ICE1: variants seen among roughly 807,000 people sequenced by gnomAD.
The protein encoded by ICE1 is interactor of little elongation complex ELL subunit 1, also known as little elongation complex subunit 1.
In ICE1, 64 loss-of-function variants were observed where a neutral mutation model predicts 192.7. That is an observed-to-expected ratio of 0.33 (90% confidence interval 0.27 to 0.41). The LOEUF (loss-of-function observed/expected upper bound fraction) is 0.41. Ranked by LOEUF, ICE1 falls within the 10% of genes least tolerant of loss-of-function variation. The pLI is 1.00. For missense variants in ICE1, 2,708 were observed against 2,696.0 expected, an observed-to-expected ratio of 1.00 and a Z score of -0.10; for synonymous variants, 1,010 against 984.5, an observed-to-expected ratio of 1.03 and a Z score of -0.49.
intron 7 of ICE1, among the ~76,000 whole-genome samples, chr5:5,446,766 G>A (rs1738238567): frequency 6.6e-6 from 1 of 152,164 alleles, no homozygotes; most frequent in Admixed American, 6.5e-5. Flanking sequence ...ACTTGTTAGA[G>A]GAGTCAGGAG....
chr5:5,422,734 A>G lies in ICE1; in HGVS notation c.-182A>G. 5.4e-6 allele frequency: 2 copies of G among 370,198 alleles called. No individual in the cohort carries two copies. Among genetic ancestry groups the G allele is most frequent in the Non-Finnish European group, 9.5e-6 (2 of 210,374 alleles). The allele number at this position is 370,198 out of a possible 1,614,324, so 22.9% of individuals were successfully genotyped here. A position where few individuals can be genotyped will look rare whatever the true frequency, so the allele number is the denominator to read the frequency against. On this transcript the variant is annotated 5_prime_UTR_variant, in exon 1 of 19. Coordinates refer to ENST00000296564, the MANE Select transcript of ICE1 (RefSeq NM_015325.3). ...AGCGTTTCTTTTTAGTGCCTGAGGC[A>G]GCTCTGGCTCGGAGAGCCTTTTGCT...
At chr5:5,450,368 T>G (rs1738377350) in intron 10 of ICE1, among the ~76,000 whole-genome samples, 1 of 152,124 alleles carries the variant, frequency 6.6e-6, no homozygotes, top group African/African-American at 2.4e-5. Context: ...TCCTAGGCGG[T>G]TGAGAGCATC....
chr5:5,452,600 T>G (rs1288941249), intron 10 of ICE1, among the ~76,000 whole-genome samples: 1 of 152,076 alleles, frequency 6.6e-6, no homozygotes, highest in Non-Finnish European at 1.5e-5. Flanking sequence ...CCAAATGTAT[T>G]TATAAATATA....
chr5:5,477,674 G>A (rs1418850915), intron 17 of ICE1, among the ~76,000 whole-genome samples: 1 of 152,142 alleles, frequency 6.6e-6, no homozygotes, highest in African/African-American at 2.4e-5. Context: ...ACCTGGCAGA[G>A]ACAAAACAGA....
In ICE1 at chr5:5,459,076, T is replaced by C. The variant is rs550559910; in HGVS notation, c.1101+1335T>C. Among the ~76,000 whole-genome samples, 3 of 152,228 alleles carry C rather than the reference T, an allele frequency of 2.0e-5. No individual in the cohort carries two copies. The South Asian group carries it at 6.2e-4, about 32-fold the overall frequency. ...TTTCAGTAGAGATGGGGTTTCACCG[T>C]GTTAGCCAGGATGGTCTCGCTCTCC... On this transcript the variant is annotated intron_variant, in intron 12 of 18. Coordinates refer to ENST00000296564, the MANE Select transcript of ICE1 (RefSeq NM_015325.3).
At chr5:5,435,726 A>T (rs1290354156) in intron 1 of ICE1, among the ~76,000 whole-genome samples, 3 of 140,212 alleles carry the variant, frequency 2.1e-5, no homozygotes, top group Non-Finnish European at 4.5e-5. Context: ...CTGGAGTGCA[A>T]TGGCACGATC....
intron 1 of ICE1, among the ~76,000 whole-genome samples, chr5:5,432,123 C>T (rs1737727812): frequency 6.6e-6 from 1 of 152,162 alleles, no homozygotes. Context: ...GACATCACCA[C>T]TACATAGTCC....
chr5:5,422,716 C>A lies in ICE1; in HGVS notation c.-200C>A, dbSNP rs980935496. The A allele has an allele frequency of 5.6e-6, 2 of 360,132 alleles. No homozygotes were observed. Among genetic ancestry groups the A allele is most frequent in the Middle Eastern group, 7.4e-4 (1 of 1,344 alleles). 22.3% of individuals were successfully genotyped at this position (360,132 alleles called of 1,614,324 possible). ...TCGGGGGCCGCGCCGGGTAGCGTTT[C>A]TTTTTAGTGCCTGAGGCAGCTCTGG... On this transcript the variant is annotated 5_prime_UTR_variant, in exon 1 of 19. Coordinates refer to ENST00000296564, the MANE Select transcript of ICE1 (RefSeq NM_015325.3).
intron 1 of ICE1, among the ~76,000 whole-genome samples, chr5:5,429,063 C>T (rs893029182): frequency 2.0e-5 from 3 of 152,148 alleles, no homozygotes; most frequent in African/African-American, 7.2e-5. Flanking sequence ...CTGGGGAAAT[C>T]AGGCACAAGC....
rs1561104110 is a variant in ICE1 at position 5,489,400 on chromosome 5, A to G, written c.*70A>G. ...AACACAAATAGTTTGATCAGCTTTC[A>G]GAATACAAAGGGAGGTTTCAAAACA... On this transcript the variant is annotated 3_prime_UTR_variant, in exon 19 of 19. Coordinates refer to ENST00000296564, the MANE Select transcript of ICE1 (RefSeq NM_015325.3). The G allele has an allele frequency of 3.0e-6, 4 of 1,337,598 alleles. No individual in the cohort carries two copies. The South Asian group carries it at 4.5e-5, about 15-fold the overall frequency. The allele number at this position is 1,337,598 out of a possible 1,614,324, so 82.9% of individuals were successfully genotyped here.
intron 1 of ICE1, among the ~76,000 whole-genome samples, chr5:5,424,782 G>A (rs1454393917): frequency 6.6e-6 from 1 of 152,216 alleles, no homozygotes; most frequent in Non-Finnish European, 1.5e-5. Flanking sequence ...CTCCCATACA[G>A]TGGAAACATC....
intron 14 of ICE1, among the ~76,000 whole-genome samples, 156 bp downstream of exon 14, chr5:5,466,658 G>C (rs1738995111): frequency 6.6e-6 from 1 of 152,112 alleles, no homozygotes; most frequent in Admixed American, 6.5e-5. Flanking sequence ...AGCTGCACCT[G>C]GTCTTTAGTA....
intron 1 of ICE1, among the ~76,000 whole-genome samples, chr5:5,424,314 A>G (rs1737449669): frequency 6.6e-6 from 1 of 152,156 alleles, no homozygotes; most frequent in Non-Finnish European, 1.5e-5. Context: ...TTGTGAGTAG[A>G]AGGAGAACTA....
chr5:5,469,007 T>C lies in ICE1; in HGVS notation c.6222+19T>C. On this transcript the variant is annotated intron_variant, in intron 15 of 18. Transcript: ENST00000296564. The stretch of plus-strand genomic sequence containing the variant: ...GGAAAAGGTGAGCCATATTTCTGTT[T>C]CTTACAGTATCTTACTTTTAGATAT... The C allele has an allele frequency of 6.9e-7, 1 of 1,441,724 alleles. No homozygotes were observed. Among genetic ancestry groups the C allele is most frequent in the Non-Finnish European group, 9.2e-7 (1 of 1,087,666 alleles). The allele number at this position is 1,441,724 out of a possible 1,614,324, so 89.3% of individuals were successfully genotyped here.
chr5:5,460,807 G>A lies in ICE1; in HGVS notation c.1473G>A (p.Met491Ile), dbSNP rs1256181466. The A allele has an allele frequency of 6.2e-7, 1 of 1,613,978 alleles. No individual in the cohort carries two copies. The highest frequency in any genetic ancestry group is 1.7e-5 in the Admixed American group (1 of 60,016). The change falls in exon 13 of 19, where the codon ATG (methionine) becomes ATA (isoleucine). Residue 491 changes from methionine (M) to isoleucine (I), a missense_variant. Physicochemically the swap from Met to Ile is conservative, Grantham distance 10. Around this residue, in one of 2 missense-constraint regions of ICE1, gnomAD observed 2,366 missense variants for 2,276.6 expected, o/e 1.04. Coordinates refer to ENST00000296564, the MANE Select transcript of ICE1 (RefSeq NM_015325.3). Reference sequence around the variant, plus strand: ...AAACACAAATGGAGGTTAGGGAGATGGATAAGTCAGTACAAACTGAGAAGA... The same window carrying A: ...AAACACAAATGGAGGTTAGGGAGATAGATAAGTCAGTACAAACTGAGAAGA... Reference protein sequence around the residue: ...ETKTQMEVREMDKSVQTEKTI... With the variant: ...ETKTQMEVREIDKSVQTEKTI...
In ICE1 at chr5:5,443,174, T is replaced by C. The variant is rs1375042756; in HGVS notation, c.316T>C (p.Leu106=). Residue 106 remains leucine (L), a synonymous_variant, in exon 6 of 19, where the codon TTA becomes CTA. Coordinates refer to ENST00000296564, the MANE Select transcript of ICE1 (RefSeq NM_015325.3). ...KAELEEKKSS[L]KLYQDTHQEY... is the part of the protein sequence containing the mutation. ...TTTTTTTCTTTTTTTAAAGAGTTCT[T>C]TAAAGTTGTATCAGGATACTCATCA... is the stretch of plus-strand genomic sequence containing the variant. 1.3e-6 allele frequency: 2 copies of C among 1,489,532 alleles called. No homozygotes were observed. Among genetic ancestry groups the C allele is most frequent in the Middle Eastern group, 1.7e-4 (1 of 5,848 alleles). The allele number at this position is 1,489,532 out of a possible 1,614,324, so 92.3% of individuals were successfully genotyped here.
At chr5:5,450,667 T>G (rs537610958) in intron 10 of ICE1, among the ~76,000 whole-genome samples, 2 of 152,226 alleles carry the variant, frequency 1.3e-5, no homozygotes, top group African/African-American at 4.8e-5. Flanking sequence ...AGACTGAATA[T>G]TAGAGGGATG....
In ICE1 at chr5:5,439,909, AG is replaced by A; in HGVS notation, c.194del (p.Arg65LysfsTer31). Reference protein sequence around the residue: ...QKKCDELQFARRENSNLHHQV... With the variant: ...QKKCDELQFAXRENSNLHHQV... Reference sequence around the variant, plus strand: ...ATAAGTTTTACAGCTGCAGTTTGCAAGAAGGTGAGCCAACCTGTTTCATAGT... The same window carrying A: ...ATAAGTTTTACAGCTGCAGTTTGCAAAAGGTGAGCCAACCTGTTTCATAGT... On this transcript the variant is annotated frameshift_variant, in exon 4 of 19. Transcript: ENST00000296564. LOFTEE classifies it high-confidence loss of function. 1 of 1,557,946 alleles carries A rather than the reference AG, an allele frequency of 6.4e-7. No homozygotes were observed. The highest frequency in any genetic ancestry group is 8.7e-7 in the Non-Finnish European group (1 of 1,149,896).
intron 17 of ICE1, among the ~76,000 whole-genome samples, chr5:5,481,381 C>T (rs1739500120): frequency 6.6e-6 from 1 of 152,012 alleles, no homozygotes; most frequent in Non-Finnish European, 1.5e-5. Context: ...GGTCAGCAGC[C>T]TTATACGACA....
Sources: gnomAD v4.1 joint callset for allele counts (sites outside exome capture counted in the v4.1 genomes callset) on GRCh38, gnomAD v4.1.1 for gene constraint, gnomAD v4.1.1 regional missense constraint, MANE v1.5 for transcripts, NCBI Gene and HGNC (gene_info 2026-07-23, HGNC 2026-07-21) for gene names.